The following GPM6A variants were observed in gnomAD, a reference collection of about 807,000 sequenced individuals.
The protein encoded by GPM6A is neuronal membrane glycoprotein M6-a.
GPM6A carries 7 observed loss-of-function variants against 32.1 expected under a neutral mutation model. The ratio of observed to expected loss-of-function variants is 0.22; its 90% CI spans 0.12 to 0.41. The LOEUF (loss-of-function observed/expected upper bound fraction) is 0.41. Ranked by LOEUF, GPM6A falls within the 10% of genes least tolerant of loss-of-function variation. GPM6A has a pLI of 1.00. For missense variants in GPM6A, 235 were observed against 347.2 expected, an observed-to-expected ratio of 0.68 and a Z score of 2.57; for synonymous variants, 130 against 123.4, an observed-to-expected ratio of 1.05 and a Z score of -0.35.
intron 1 of GPM6A, among the ~76,000 whole-genome samples, chr4:175,901,471 A>T (rs1453181933): frequency 2.0e-5 from 3 of 152,006 alleles, no homozygotes; most frequent in Non-Finnish European, 2.9e-5. Context: ...ATAAAATGAG[A>T]TAGGATTATA....
chr4:175,725,878 T>A (rs961158695), intron 1 of GPM6A, among the ~76,000 whole-genome samples: 1 of 152,112 alleles, frequency 6.6e-6, no homozygotes, highest in African/African-American at 2.4e-5. Context: ...TAAATCATAA[T>A]TCAATTTGAC....
intron 1 of GPM6A, among the ~76,000 whole-genome samples, chr4:175,867,192 A>G (rs1736766255): frequency 6.6e-6 from 1 of 152,242 alleles, no homozygotes; most frequent in East Asian, 1.9e-4. Context: ...TTTTCTCTCA[A>G]TGTGTGGCTT....
chr4:175,989,547 C>T (rs188591433), intron 1 of GPM6A, among the ~76,000 whole-genome samples: 18 of 151,992 alleles, frequency 1.2e-4, no homozygotes, highest in Non-Finnish European at 2.1e-4. Flanking sequence ...TTTAATAATG[C>T]TAAATCATGT....
intron 1 of GPM6A, among the ~76,000 whole-genome samples, chr4:175,940,173 G>A (rs1447932592): frequency 2.6e-5 from 4 of 152,184 alleles, no homozygotes; most frequent in Non-Finnish European, 2.9e-5. Flanking sequence ...TAAAAGCACC[G>A]TACATTGATT....
intron 2 of GPM6A, among the ~76,000 whole-genome samples, chr4:175,692,571 A>G (rs2111040227): frequency 6.6e-6 from 1 of 152,166 alleles, no homozygotes; most frequent in South Asian, 2.1e-4. Context: ...TTTTTCTTTT[A>G]TAAAATTAGG....
intron 1 of GPM6A, among the ~76,000 whole-genome samples, chr4:175,956,973 C>T (rs866156250): frequency 6.6e-6 from 1 of 152,110 alleles, no homozygotes; most frequent in Non-Finnish European, 1.5e-5. Flanking sequence ...ACAGAAATTA[C>T]TCAATATTCT....
At chr4:175,931,709 CATAT>C (rs3034786) in intron 1 of GPM6A, among the ~76,000 whole-genome samples, 5,917 of 129,168 alleles carry the variant, frequency 0.046, 224 homozygotes, top group South Asian at 0.2. Flanking sequence ...CACACACACA[CATAT>C]ATATATATAT....
intron 1 of GPM6A, among the ~76,000 whole-genome samples, chr4:175,983,261 A>T (rs1227400683): frequency 6.6e-6 from 1 of 152,230 alleles, no homozygotes. Flanking sequence ...CATAGAATGG[A>T]AAGTGGCTTA....
intron 1 of GPM6A, among the ~76,000 whole-genome samples, chr4:175,943,611 G>A (rs142330898): frequency 0.013 from 1,992 of 152,198 alleles, 15 homozygotes; most frequent in Non-Finnish European, 0.02. Context: ...TTTTATCGAA[G>A]GCCTTTTCTG....
At chr4:175,912,282 G>A (rs1738345297) in intron 1 of GPM6A, among the ~76,000 whole-genome samples, 1 of 152,040 alleles carries the variant, frequency 6.6e-6, no homozygotes, top group African/African-American at 2.4e-5. Context: ...AATATACAAG[G>A]AAGATGAGAA....
At chr4:175,793,708 T>C (rs1467771396) in intron 1 of GPM6A, among the ~76,000 whole-genome samples, 1 of 152,188 alleles carries the variant, frequency 6.6e-6, no homozygotes. Context: ...CATCAGACAC[T>C]ACTTATACTT....
chr4:175,947,803 T>C (rs116198096), intron 1 of GPM6A: 74 of 152,330 alleles, frequency 4.9e-4, no homozygotes, highest in African/African-American at 1.5e-3. Context: ...GTACACTATG[T>C]TGTCTCCTCA....
At chr4:175,939,251 G>A (rs1350249365) in intron 1 of GPM6A, among the ~76,000 whole-genome samples, 1 of 152,186 alleles carries the variant, frequency 6.6e-6, no homozygotes, top group African/African-American at 2.4e-5. Context: ...AGCTGCTGCA[G>A]GGCCAAAGAG....
chr4:175,699,652 G>T (rs372455312), intron 2 of GPM6A, among the ~76,000 whole-genome samples: 2 of 152,142 alleles, frequency 1.3e-5, no homozygotes, highest in South Asian at 4.2e-4. Context: ...ATGTATGTGT[G>T]GGGGGTGGAG....
chr4:175,741,103 AG>A (rs1323270868), intron 1 of GPM6A, among the ~76,000 whole-genome samples: 1 of 152,084 alleles, frequency 6.6e-6, no homozygotes, highest in Non-Finnish European at 1.5e-5. Context: ...ACGTATTCAC[AG>A]GCACCTCAAA....
chr4:175,748,931 C>A (rs1454967374), intron 1 of GPM6A, among the ~76,000 whole-genome samples: 1 of 152,158 alleles, frequency 6.6e-6, no homozygotes, highest in African/African-American at 2.4e-5. Flanking sequence ...CTTCACCTTA[C>A]AATTTTTATG....
intron 1 of GPM6A, among the ~76,000 whole-genome samples, chr4:175,862,630 C>T (rs1445422736): frequency 2.0e-5 from 3 of 152,154 alleles, no homozygotes; most frequent in Non-Finnish European, 2.9e-5. Flanking sequence ...ACACACATTG[C>T]TTTGGAGCAC....
At chr4:175,924,780 C>T (rs1042450174) in intron 1 of GPM6A, among the ~76,000 whole-genome samples, 2 of 144,412 alleles carry the variant, frequency 1.4e-5, no homozygotes, top group Admixed American at 7.4e-5. Flanking sequence ...GCAGAGTTTG[C>T]AGTGAGTGGA....
intron 2 of GPM6A, among the ~76,000 whole-genome samples, chr4:175,678,885 T>C (rs1019902781): frequency 3.9e-5 from 6 of 152,176 alleles, no homozygotes; most frequent in Non-Finnish European, 7.4e-5. Flanking sequence ...AAACAAGTAG[T>C]ATGTGGAGCA....
Sources: allele counts gnomAD v4.1 joint callset (sites outside exome capture counted in the v4.1 genomes callset), GRCh38; gene constraint gnomAD v4.1.1; transcripts MANE v1.5; gene names NCBI Gene and HGNC (gene_info 2026-07-23, HGNC 2026-07-21).